KLHDC4: variants seen among roughly 807,000 people sequenced by gnomAD.
KLHDC4 encodes the protein kelch domain containing 4.
KLHDC4 carries 90 observed loss-of-function variants against 62.4 expected under a neutral mutation model. The ratio of observed to expected loss-of-function variants is 1.44; its 90% CI spans 1.22 to 1.72. KLHDC4 has a LOEUF of 1.72. KLHDC4 is among the 40% of genes most tolerant of loss of function. The pLI, the probability that KLHDC4 is intolerant of heterozygous loss-of-function variation, is 0.00. For synonymous variants in KLHDC4, 386 were observed against 284.4 expected (o/e 1.36, Z -3.59); for missense variants, 1,025 against 699.7 (o/e 1.47, Z -5.25).
intron 5 of KLHDC4, among the ~76,000 whole-genome samples, chr16:87,747,036 C>A (rs2043142400): frequency 6.6e-6 from 1 of 152,206 alleles, no homozygotes; most frequent in Non-Finnish European, 1.5e-5. Flanking sequence ...GGGGCCAGGG[C>A]CACTCCCAAA....
intron 6 of KLHDC4, among the ~76,000 whole-genome samples, chr16:87,729,976 C>T (rs757638671): frequency 2.0e-5 from 3 of 152,264 alleles, no homozygotes; most frequent in South Asian, 2.1e-4. Context: ...TTTTTTCAAA[C>T]GAAGTCTCGC....
At chr16:87,742,586 G>A (rs771361765) in intron 5 of KLHDC4, among the ~76,000 whole-genome samples, 2 of 152,154 alleles carry the variant, frequency 1.3e-5, no homozygotes, top group East Asian at 1.9e-4. Flanking sequence ...GATAGGGATC[G>A]TGGAGAGGGT....
chr16:87,709,557 GA>G lies in KLHDC4; in HGVS notation c.1154del (p.Val385AlafsTer55). On this transcript the variant is annotated frameshift_variant, in exon 10 of 12. Transcript: ENST00000270583. LOFTEE classifies it high-confidence loss of function. ...TGCCATCCTCGGCCACCACCTCCTTGACCAGCTGCACAGGCCCCTGGGTGCC... is the reference window on the plus strand; with the variant it reads ...TGCCATCCTCGGCCACCACCTCCTTGCCAGCTGCACAGGCCCCTGGGTGCC... Reference protein sequence around the residue: ...GAGTQGPVQLVKEVVAEDGTV... With the variant: ...GAGTQGPVQLXKEVVAEDGTV... 1.2e-6 allele frequency: 2 copies of G among 1,612,888 alleles called. No individual in the cohort carries two copies. The highest frequency in any genetic ancestry group is 1.7e-6 in the Non-Finnish European group (2 of 1,179,970).
chr16:87,757,492 T>G (rs1467294022), intron 2 of KLHDC4: 1 of 150,588 alleles, frequency 6.6e-6, no homozygotes, highest in African/African-American at 2.4e-5. Context: ...AGTCCATATG[T>G]AAGTACTTCA....
chr16:87,744,909 A>G (rs1184641864), intron 5 of KLHDC4, among the ~76,000 whole-genome samples: 1 of 152,138 alleles, frequency 6.6e-6, no homozygotes, highest in African/African-American at 2.4e-5. Context: ...GCAGTCACAC[A>G]CATGCATACA....
intron 8 of KLHDC4, among the ~76,000 whole-genome samples, chr16:87,712,475 C>A (rs916271498): frequency 6.6e-6 from 1 of 152,258 alleles, no homozygotes; most frequent in African/African-American, 2.4e-5. Flanking sequence ...AACCCACACA[C>A]ACAAGGTGTG....
chr16:87,757,563 G>C (rs2045175048), intron 2 of KLHDC4: 1 of 151,536 alleles, frequency 6.6e-6, no homozygotes, highest in Non-Finnish European at 1.5e-5. Context: ...TATTTCACAT[G>C]AGAACAAAAG....
intron 2 of KLHDC4, among the ~76,000 whole-genome samples, chr16:87,757,820 A>G (rs1393691978): frequency 6.6e-6 from 1 of 152,138 alleles, no homozygotes; most frequent in Admixed American, 6.6e-5. Flanking sequence ...TGAACCCGGG[A>G]GGCAGAGGCT....
At chr16:87,752,493 C>A (rs1220723373) in intron 4 of KLHDC4, among the ~76,000 whole-genome samples, 1 of 151,884 alleles carries the variant, frequency 6.6e-6, no homozygotes. Context: ...CGCGCCACGA[C>A]GCCCAGGTAA....
At chr16:87,759,320 AGG>A (rs2045507372) in intron 2 of KLHDC4, among the ~76,000 whole-genome samples, 1 of 151,870 alleles carries the variant, frequency 6.6e-6, no homozygotes, top group South Asian at 2.1e-4. Context: ...GGATCATCTG[AGG>A]TCAGGAATTT....
chr16:87,752,659 C>T (rs1235425740), intron 4 of KLHDC4, among the ~76,000 whole-genome samples: 1 of 152,088 alleles, frequency 6.6e-6, no homozygotes, highest in East Asian at 1.9e-4. Flanking sequence ...AACATCCTTT[C>T]CTCCATCTTA....
intron 5 of KLHDC4, among the ~76,000 whole-genome samples, chr16:87,737,153 G>C (rs1321916757): frequency 1.4e-5 from 2 of 138,138 alleles, no homozygotes; most frequent in East Asian, 2.2e-4. Context: ...AGACTAACAA[G>C]TCAGGATACC....
At chr16:87,721,029 C>G (rs546064566) in intron 7 of KLHDC4, among the ~76,000 whole-genome samples, 138 of 152,340 alleles carry the variant, frequency 9.1e-4, no homozygotes, top group African/African-American at 3.2e-3. Context: ...ACATCCGAGA[C>G]CACCTTCTTA....
At chr16:87,765,658 T>A in intron 1 of KLHDC4, 134 bp downstream of exon 1, 1 of 819,838 alleles carries the variant, frequency 1.2e-6, no homozygotes, top group Non-Finnish European at 1.8e-6. Flanking sequence ...CCGGGGCAGT[T>A]CCTACGGCCT....
chr16:87,758,560 G>A (rs914292003), intron 2 of KLHDC4, among the ~76,000 whole-genome samples: 1 of 152,144 alleles, frequency 6.6e-6, no homozygotes, highest in Non-Finnish European at 1.5e-5. Context: ...GAAACAGGGA[G>A]CAACCATTGA....
At chr16:87,701,996 A>G (rs1157843338) in exon 1 of KLHDC4, 1 of 456,244 alleles carries the variant, frequency 2.2e-6, no homozygotes, top group South Asian at 1.5e-5. Flanking sequence ...AACAAAGCTC[A>G]GCCCAGCAGC....
intron 7 of KLHDC4, among the ~76,000 whole-genome samples, chr16:87,719,476 C>T (rs927859032): frequency 1.1e-4 from 17 of 152,202 alleles, no homozygotes; most frequent in African/African-American, 4.1e-4. Flanking sequence ...GCAGCATACT[C>T]GTTAAGAGTC....
At chr16:87,731,715 C>T (rs1373440108) in intron 5 of KLHDC4, among the ~76,000 whole-genome samples, 1 of 152,128 alleles carries the variant, frequency 6.6e-6, no homozygotes, top group African/African-American at 2.4e-5. Context: ...GACATGGACT[C>T]AAGAGAAAGG....
chr16:87,704,109 G>A (rs985096779), downstream of KLHDC4, among the ~76,000 whole-genome samples: 3 of 152,230 alleles, frequency 2.0e-5, no homozygotes, highest in East Asian at 5.8e-4. Flanking sequence ...CCTTCTGGAG[G>A]AAGGCTGACT....
Sources: gnomAD v4.1 joint callset for allele counts (sites outside exome capture counted in the v4.1 genomes callset) on GRCh38, gnomAD v4.1.1 for gene constraint, MANE v1.5 for transcripts, NCBI Gene and HGNC (gene_info 2026-07-23, HGNC 2026-07-21) for gene names.